Variants in SFXN1 observed in about 807,000 individuals in gnomAD.
SFXN1 encodes the protein sideroflexin-1.
Under a neutral mutation model 39.5 loss-of-function variants are expected in SFXN1, and 32 were observed. The observed-to-expected ratio is 0.81, with a 90% confidence interval of 0.61 to 1.09. SFXN1 has a LOEUF of 1.09. Among genes scored for constraint, SFXN1 ranks in the 50% least tolerant of loss-of-function variants. SFXN1 has a pLI of 0.00. For synonymous variants in SFXN1, 136 were observed against 146.5 expected, an observed-to-expected ratio of 0.93 and a Z score of 0.52; for missense variants, 402 against 407.1, an observed-to-expected ratio of 0.99 and a Z score of 0.11.
intron 1 of SFXN1, among the ~76,000 whole-genome samples, chr5:175,481,133 A>G (rs1485658507): frequency 1.3e-5 from 2 of 152,184 alleles, no homozygotes; most frequent in Non-Finnish European, 2.9e-5. Context: ...CTAAAATTCT[A>G]GTTTAGTGTT....
intron 1 of SFXN1, 176 bp from the exon 2 acceptor site, chr5:175,491,919 A>AGATGGCCT: frequency 2.1e-6 from 1 of 474,620 alleles, no homozygotes; most frequent in Non-Finnish European, 3.7e-6. Flanking sequence ...ATTGAGATTT[A>AGATGGCCT]TAGACAAACT....
intron 2 of SFXN1, among the ~76,000 whole-genome samples, chr5:175,505,477 C>T (rs1760253406): frequency 1.3e-5 from 2 of 151,172 alleles, no homozygotes; most frequent in Middle Eastern, 3.4e-3. Flanking sequence ...GCGGAGGTTG[C>T]AGTGAGCCAA....
intron 1 of SFXN1, among the ~76,000 whole-genome samples, chr5:175,485,613 A>G (rs552642235): frequency 2.0e-5 from 3 of 152,378 alleles, no homozygotes; most frequent in African/African-American, 7.2e-5. Context: ...GTGAGGTAAC[A>G]TATTCACAGT....
chr5:175,517,836 C>A (rs114779026), intron 8 of SFXN1, among the ~76,000 whole-genome samples: 3 of 152,118 alleles, frequency 2.0e-5, no homozygotes, highest in Admixed American at 2.0e-4. Context: ...GATGCCCATG[C>A]GGTGGTGTGC....
At chr5:175,509,582 A>AT (rs1026758397) in intron 3 of SFXN1, among the ~76,000 whole-genome samples, 9 of 151,670 alleles carry the variant, frequency 5.9e-5, no homozygotes, top group Non-Finnish European at 1.3e-4. Flanking sequence ...AGGAGGTTGA[A>AT]TTTTTTTTCT....
chr5:175,496,322 C>T (rs1175661572), intron 2 of SFXN1, among the ~76,000 whole-genome samples: 3 of 151,420 alleles, frequency 2.0e-5, no homozygotes, highest in Non-Finnish European at 4.4e-5. Context: ...TTCAGTGAGC[C>T]GAGATCGCTC....
At chr5:175,524,126 ATATATATATATATATATATAT>A (rs375140934) in intron 10 of SFXN1, 2,534 of 20,240 alleles carry the variant, frequency 0.13, 130 homozygotes, top group Non-Finnish European at 0.14. Flanking sequence ...AAAAAAAAAA[ATATATATATATATATATATAT>A]ATATATATAT....
chr5:175,494,403 T>A (rs1759779450), intron 2 of SFXN1, among the ~76,000 whole-genome samples: 1 of 152,308 alleles, frequency 6.6e-6, no homozygotes, highest in South Asian at 2.1e-4. Context: ...GAGAGAGTTG[T>A]CACTTGGGAA....
At chr5:175,487,669 CTCTG>C (rs1396513016) in intron 1 of SFXN1, among the ~76,000 whole-genome samples, 1 of 152,112 alleles carries the variant, frequency 6.6e-6, no homozygotes, top group Non-Finnish European at 1.5e-5. Flanking sequence ...TAAATATAAT[CTCTG>C]TCTGACAACT....
At chr5:175,517,916 T>C (rs1348061348) in intron 8 of SFXN1, among the ~76,000 whole-genome samples, 1 of 152,146 alleles carries the variant, frequency 6.6e-6, no homozygotes, top group Non-Finnish European at 1.5e-5. Flanking sequence ...GAGGTACTTA[T>C]CTGGGCTTTT....
intron 1 of SFXN1, among the ~76,000 whole-genome samples, chr5:175,485,897 T>C (rs1581261585): frequency 6.6e-6 from 1 of 152,334 alleles, no homozygotes; most frequent in South Asian, 2.1e-4. Flanking sequence ...GTCTGCGGAA[T>C]GTGCATAGGA....
rs150808768 is a variant in SFXN1, at chr5:175,492,240, G to A, written c.137G>A (p.Ser46Asn). Residue 46 changes from serine to asparagine, a missense_variant, in exon 2 of 11, where the codon AGT (serine) becomes AAT (asparagine). Ser to Asn is a conservative substitution (Grantham distance 46). Coordinates refer to ENST00000321442, the MANE Select transcript of SFXN1 (RefSeq NM_022754.7). ...NILLTNEQLE[S>N]ARKIVHDYRQ... ...CTGTTAACCAACGAACAACTCGAGA[G>A]TGCGAGAAAAATAGTACATGATTAC... is the stretch of plus-strand genomic sequence containing the variant. 410 of 1,612,278 alleles carry A rather than the reference G, an allele frequency of 2.5e-4. No homozygotes were observed. In the African/African-American group the frequency reaches 5.0e-3, roughly 20 times the overall value.
intron 6 of SFXN1, 145 bp downstream of exon 6, chr5:175,512,341 C>G (rs1760551451): frequency 2.7e-6 from 2 of 754,500 alleles, no homozygotes; most frequent in South Asian, 3.7e-5. Flanking sequence ...TTGAAATACT[C>G]TGGGGTTGGG....
chr5:175,513,024 G>T (rs893588501), intron 6 of SFXN1, among the ~76,000 whole-genome samples: 5 of 152,100 alleles, frequency 3.3e-5, no homozygotes, highest in African/African-American at 9.7e-5. Context: ...GTGTCTGCTG[G>T]GCGCAGTGGC....
intron 1 of SFXN1, among the ~76,000 whole-genome samples, chr5:175,488,920 A>G (rs942927724): frequency 6.6e-6 from 1 of 152,146 alleles, no homozygotes; most frequent in African/African-American, 2.4e-5. Flanking sequence ...ACTGCCTTCT[A>G]ATATAATGAA....
chr5:175,510,642 C>T (rs1306164335), intron 4 of SFXN1, among the ~76,000 whole-genome samples: 1 of 152,038 alleles, frequency 6.6e-6, no homozygotes, highest in East Asian at 1.9e-4. Flanking sequence ...GAGACCATGG[C>T]GGTGTGAACT....
intron 2 of SFXN1, among the ~76,000 whole-genome samples, chr5:175,507,973 T>TAAAATAAAAAAA (rs1477205928): frequency 8.0e-6 from 1 of 124,302 alleles, no homozygotes; most frequent in African/African-American, 3.1e-5. Context: ...ACCCTGTCTT[T>TAAAATAAAAAAA]AAAAAAAAAA....
At position 175,516,605 on chromosome 5, in the gene SFXN1, T is replaced by C. The variant is rs760244345; in HGVS notation, c.725-9T>C. On this transcript the variant is annotated splice_polypyrimidine_tract_variant and intron_variant, in intron 7 of 10. Coordinates refer to ENST00000321442, the MANE Select transcript of SFXN1 (RefSeq NM_022754.7). Reference sequence around the variant, plus strand: ...ATAAAGATTTAAGTGGATCTATCTTTATTTCCAGCCATCCCTCCATTCATT... The same window carrying C: ...ATAAAGATTTAAGTGGATCTATCTTCATTTCCAGCCATCCCTCCATTCATT... 30 of 1,609,994 alleles carry C rather than the reference T, an allele frequency of 1.9e-5. No individual in the cohort carries two copies. The East Asian group carries it at 6.2e-4, about 34-fold the overall frequency.
intron 1 of SFXN1, among the ~76,000 whole-genome samples, chr5:175,490,392 C>T (rs1288052512): frequency 2.6e-5 from 4 of 152,196 alleles, no homozygotes; most frequent in Admixed American, 6.5e-5. Flanking sequence ...TACCTTCTCA[C>T]TAGATTCCTC....
Sources: gnomAD v4.1 joint callset for allele counts (sites outside exome capture counted in the v4.1 genomes callset) on GRCh38, gnomAD v4.1.1 for gene constraint, MANE v1.5 for transcripts, NCBI Gene and HGNC (gene_info 2026-07-23, HGNC 2026-07-21) for gene names.